Variants in ARL15 observed in about 807,000 individuals in gnomAD.
ARL15 encodes the protein ARF like GTPase 15.
ARL15 carries 19 observed loss-of-function variants against 25.2 expected under a neutral mutation model. The ratio of observed to expected loss-of-function variants is 0.75; its 90% CI spans 0.53 to 1.10. ARL15 has a LOEUF of 1.10. ARL15 is among the 50% of genes least tolerant of loss of function. The pLI, the probability that ARL15 is intolerant of heterozygous loss-of-function variation, is 0.00. For synonymous variants in ARL15, 94 were observed against 86.8 expected (o/e 1.08, Z -0.46); for missense variants, 220 against 246.0 (o/e 0.89, Z 0.71).
At chr5:53,959,443 T>C (rs1212681868) in intron 4 of ARL15, among the ~76,000 whole-genome samples, 2 of 152,088 alleles carry the variant, frequency 1.3e-5, no homozygotes, top group African/African-American at 4.8e-5. Context: ...ACAGAGGTCA[T>C]ATTTTGGTGG....
chr5:54,025,287 C>CAAAAAAAAA (rs756211559), intron 4 of ARL15, among the ~76,000 whole-genome samples: 1 of 80,188 alleles, frequency 1.2e-5, no homozygotes, highest in African/African-American at 6.0e-5. Flanking sequence ...ACAAAGGGAC[C>CAAAAAAAAA]AAAAAAAAAA....
intron 4 of ARL15, among the ~76,000 whole-genome samples, chr5:53,928,856 T>G (rs1025960448): frequency 8.5e-5 from 13 of 152,270 alleles, no homozygotes; most frequent in African/African-American, 2.9e-4. Flanking sequence ...CAATGCCGAG[T>G]CCACGCTCAG....
intron 1 of ARL15, chr5:54,282,637 A>G: frequency 1.2e-6 from 1 of 862,674 alleles, no homozygotes; most frequent in South Asian, 5.3e-5. Context: ...TCTTGCTCTA[A>G]TATCCCATTT....
At chr5:53,963,814 C>CAG (rs1747452542) in intron 4 of ARL15, among the ~76,000 whole-genome samples, 2 of 72,084 alleles carry the variant, frequency 2.8e-5, no homozygotes, top group Admixed American at 2.1e-4. Flanking sequence ...ATCACACACA[C>CAG]ACACACACAC....
chr5:54,042,319 G>A (rs1381035941), intron 4 of ARL15, among the ~76,000 whole-genome samples: 1 of 152,118 alleles, frequency 6.6e-6, no homozygotes. Context: ...AAAATAAAGG[G>A]ATTTTTCCTA....
chr5:54,226,060 T>C (rs1756508173), intron 1 of ARL15, among the ~76,000 whole-genome samples: 1 of 152,086 alleles, frequency 6.6e-6, no homozygotes, highest in Non-Finnish European at 1.5e-5. Flanking sequence ...CCTCCAGTGA[T>C]TTTCAGTGGC....
intron 4 of ARL15, among the ~76,000 whole-genome samples, chr5:54,031,435 C>T (rs920811151): frequency 6.6e-6 from 1 of 152,094 alleles, no homozygotes; most frequent in Non-Finnish European, 1.5e-5. Context: ...CAAGTTTTAT[C>T]TTGTGCAGAA....
intron 4 of ARL15, among the ~76,000 whole-genome samples, chr5:53,995,905 A>C (rs1748654024): frequency 6.6e-6 from 1 of 152,176 alleles, no homozygotes; most frequent in Admixed American, 6.5e-5. Context: ...ACAGAAACAA[A>C]AACAGAATAA....
rs187150996 is a variant in ARL15 at position 54,075,875 on chromosome 5, A to G, written c.462+37327T>C. 1.1e-3 allele frequency among the ~76,000 whole-genome samples: 170 copies of G among 152,300 alleles called. No homozygotes were observed. In the Middle Eastern group the frequency reaches 0.017, roughly 15 times the overall value. ...ATAAGTACCATATTAAATGTGGTAA[A>G]ATGAAGAGTACGGACTAGGTAAGAG... On this transcript the variant is annotated intron_variant, in intron 4 of 4. Coordinates refer to ENST00000504924, the MANE Select transcript of ARL15 (RefSeq NM_019087.3).
intron 4 of ARL15, among the ~76,000 whole-genome samples, chr5:54,071,940 G>A (rs555522840): frequency 1.6e-4 from 23 of 144,752 alleles, no homozygotes; most frequent in African/African-American, 5.4e-4. Context: ...ACCACTGCAC[G>A]CCAGCCTGGT....
chr5:53,999,688 G>A (rs1447293061), intron 4 of ARL15, among the ~76,000 whole-genome samples: 5 of 152,140 alleles, frequency 3.3e-5, no homozygotes, highest in African/African-American at 7.2e-5. Context: ...CAAGGTGGGC[G>A]GATCACCTGA....
intron 2 of ARL15, among the ~76,000 whole-genome samples, chr5:54,160,940 A>G (rs971646165): frequency 1.3e-5 from 2 of 152,188 alleles, no homozygotes; most frequent in African/African-American, 4.8e-5. Flanking sequence ...AAGACATTAT[A>G]GAGAAATAAT....
chr5:53,890,283 C>T (rs1419236136), intron 4 of ARL15, among the ~76,000 whole-genome samples: 2 of 151,852 alleles, frequency 1.3e-5, no homozygotes, highest in East Asian at 3.9e-4. Flanking sequence ...CTTTGAACAA[C>T]GTAAGTCATA....
intron 1 of ARL15, among the ~76,000 whole-genome samples, chr5:54,304,799 C>G (rs926348318): frequency 3.3e-5 from 5 of 152,096 alleles, no homozygotes; most frequent in African/African-American, 1.2e-4. Flanking sequence ...ATAAATACAA[C>G]TTACAATGTT....
At chr5:53,982,883 T>C (rs2111607179) in intron 4 of ARL15, among the ~76,000 whole-genome samples, 1 of 152,344 alleles carries the variant, frequency 6.6e-6, no homozygotes, top group South Asian at 2.1e-4. Flanking sequence ...CCATTCTAAC[T>C]GGTGTGAGAT....
chr5:54,095,854 G>T (rs1261026366), intron 4 of ARL15, among the ~76,000 whole-genome samples: 3 of 150,058 alleles, frequency 2.0e-5, no homozygotes, highest in Non-Finnish European at 4.4e-5. Flanking sequence ...CTTGAATCAA[G>T]ACTTCAAAGT....
chr5:53,978,984 C>A (rs1017180078), intron 4 of ARL15, among the ~76,000 whole-genome samples: 3 of 152,116 alleles, frequency 2.0e-5, no homozygotes, highest in African/African-American at 7.2e-5. Context: ...ATATTAACTT[C>A]CAGAACCACA....
intron 1 of ARL15, among the ~76,000 whole-genome samples, chr5:54,291,096 A>G (rs1371990410): frequency 1.3e-5 from 2 of 152,230 alleles, no homozygotes; most frequent in Non-Finnish European, 2.9e-5. Context: ...TTGCCTATTA[A>G]TTAGACAATC....
At chr5:54,040,130 T>C (rs536191047) in intron 4 of ARL15, among the ~76,000 whole-genome samples, 12 of 152,336 alleles carry the variant, frequency 7.9e-5, no homozygotes, top group African/African-American at 2.6e-4. Context: ...TGTTCTTCAA[T>C]ATTTCTTATC....
Sources: allele counts gnomAD v4.1 joint callset (sites outside exome capture counted in the v4.1 genomes callset), GRCh38; gene constraint gnomAD v4.1.1; transcripts MANE v1.5; gene names NCBI Gene and HGNC (gene_info 2026-07-23, HGNC 2026-07-21).